Variants in PLAGL1 observed in about 807,000 individuals in gnomAD.
PLAGL1 encodes the protein zinc finger protein PLAGL1.
Under a neutral mutation model 4.6 loss-of-function variants are expected in PLAGL1, and 1 was observed. The ratio of observed to expected loss-of-function variants is 0.22; its 90% CI spans 0.08 to 1.03. The LOEUF is 1.03. Among genes scored for constraint, PLAGL1 ranks in the 50% least tolerant of loss-of-function variants. PLAGL1 has a pLI of 0.58. For missense variants in PLAGL1, 464 were observed against 570.4 expected (o/e 0.81, Z 1.90); for synonymous variants, 240 against 237.8 (o/e 1.01, Z -0.08).
chr6:144,019,696 T>C (rs1381760888), intron 1 of PLAGL1, among the ~76,000 whole-genome samples: 1 of 151,922 alleles, frequency 6.6e-6, no homozygotes, highest in African/African-American at 2.4e-5. Flanking sequence ...AGGCATTCTA[T>C]ATTACTGAAT....
upstream of PLAGL1, among the ~76,000 whole-genome samples, chr6:144,010,132 C>T (rs1033484257): frequency 6.6e-6 from 1 of 152,182 alleles, no homozygotes; most frequent in Non-Finnish European, 1.5e-5. This position sits in a 1 kb window ranked among gnomAD's most constrained non-coding sequence, Gnocchi z 4.1. Context: ...TACACTCCCA[C>T]CAACAGCGTA....
intron 1 of PLAGL1, among the ~76,000 whole-genome samples, chr6:144,002,633 A>G (rs1222391322): frequency 6.6e-6 from 1 of 152,160 alleles, no homozygotes; most frequent in Non-Finnish European, 1.5e-5. Context: ...TACACTAGGC[A>G]AGATGTTTGG....
chr6:144,004,480 T>C lies in PLAGL1; in HGVS notation c.-584+3610A>G, dbSNP rs1242743851. 6.6e-6 allele frequency among the ~76,000 whole-genome samples: 1 copy of C among 152,192 alleles called. No homozygotes were observed. Among genetic ancestry groups the C allele is most frequent in the Non-Finnish European group, 1.5e-5 (1 of 68,028 alleles). On this transcript the variant is annotated intron_variant, in intron 1 of 7. Transcript: ENST00000674357. This position sits in a 1 kb window ranked among gnomAD's most constrained non-coding sequence, Gnocchi z 4.2. ...ATACATGCAACATGGATGAATACAA[T>C]GTGAACAAAAGAATAAACTGTATGA...
intron 2 of PLAGL1, among the ~76,000 whole-genome samples, chr6:143,977,414 C>T (rs1786856149): frequency 6.8e-6 from 1 of 147,444 alleles, no homozygotes; most frequent in Admixed American, 6.8e-5. Context: ...TCTTCCATGC[C>T]TTTTCATGGC....
intron 1 of PLAGL1, among the ~76,000 whole-genome samples, chr6:144,032,673 T>A (rs1796920557): frequency 6.6e-6 from 1 of 152,180 alleles, no homozygotes; most frequent in African/African-American, 2.4e-5. Context: ...GCAATTCTCC[T>A]GCTTCAGCCT....
At position 144,053,739 on chromosome 6, in the gene PLAGL1, T is replaced by C. The variant is rs1434292844; in HGVS notation, c.-151+10729A>G. Among the ~76,000 whole-genome samples the C allele has an allele frequency of 1.3e-5, 2 of 152,174 alleles. No individual in the cohort carries two copies. The highest frequency in any genetic ancestry group is 1.3e-4 in the Admixed American group (2 of 15,286). On this transcript the variant is annotated intron_variant, in intron 1 of 3. Coordinates refer to the PLAGL1 transcript ENST00000437412. This position sits in a 1 kb window ranked among gnomAD's most constrained non-coding sequence, Gnocchi z 4.0. ...TGTCTTCCTCATCCTCTAGTAACTATGTCAGGCCAGTTACTGATCACGGTA... is the reference window on the plus strand; with the variant it reads ...TGTCTTCCTCATCCTCTAGTAACTACGTCAGGCCAGTTACTGATCACGGTA...
chr6:143,973,005 C>T lies in PLAGL1; in HGVS notation c.-543-4027G>A, dbSNP rs1466589246. ...ATGTAAGCATGAGAAACTCCCGTCT[C>T]CTTTGGGGTGAATTTCCCAATTCCT... is the stretch of plus-strand genomic sequence containing the variant. On this transcript the variant is annotated intron_variant, in intron 2 of 7. Coordinates refer to ENST00000674357, the MANE Select transcript of PLAGL1 (RefSeq NM_001317162.2). This position sits in a 1 kb window ranked among gnomAD's most constrained non-coding sequence, Gnocchi z 6.2. Among the ~76,000 whole-genome samples, 1 of 152,202 alleles carries T rather than the reference C, an allele frequency of 6.6e-6. No homozygotes were observed. Among genetic ancestry groups the T allele is most frequent in the Non-Finnish European group, 1.5e-5 (1 of 68,032 alleles).
chr6:144,053,575 A>G lies in PLAGL1; in HGVS notation c.-151+10893T>C, dbSNP rs17073312. ...CAATAACTGTGCAAAATACTATTTG[A>G]TTAAATATGATGGACAGTACAGACA... On this transcript the variant is annotated intron_variant, in intron 1 of 3. Coordinates refer to the PLAGL1 transcript ENST00000437412. This position sits in a 1 kb window ranked among gnomAD's most constrained non-coding sequence, Gnocchi z 4.0. 0.04 allele frequency among the ~76,000 whole-genome samples: 6,091 copies of G among 152,304 alleles called. 323 individuals are homozygous for G. Among genetic ancestry groups the G allele is most frequent in the East Asian group, 0.15 (766 of 5,188 alleles).
At chr6:144,040,978 A>G (rs1220971463) in intron 1 of PLAGL1, among the ~76,000 whole-genome samples, 2 of 152,194 alleles carry the variant, frequency 1.3e-5, no homozygotes, top group Non-Finnish European at 2.9e-5. Flanking sequence ...GGTGGGAAAA[A>G]GAGAGAATAT....
At chr6:143,981,130 A>AT (rs749917874) in intron 2 of PLAGL1, among the ~76,000 whole-genome samples, 109 of 151,860 alleles carry the variant, frequency 7.2e-4, no homozygotes, top group Non-Finnish European at 1.3e-3. Context: ...TACTTTTAAG[A>AT]TTTTTTAGGC....
chr6:144,047,897 T>G (rs1176048122), intron 1 of PLAGL1, among the ~76,000 whole-genome samples: 1 of 151,974 alleles, frequency 6.6e-6, no homozygotes, highest in Non-Finnish European at 1.5e-5. Context: ...CAAAGTCTCT[T>G]CTGAGACAAG....
rs1251018649 is a variant in PLAGL1 at position 143,942,211 on chromosome 6, T to C, written c.605A>G (p.His202Arg). The change falls in exon 8 of 8, where the codon CAT becomes CGT. Residue 202 changes from histidine to arginine, a missense_variant. Coordinates refer to ENST00000674357, the MANE Select transcript of PLAGL1 (RefSeq NM_001317162.2). The surrounding 1 kb of genome is among the most constrained non-coding windows in gnomAD (Gnocchi z 7.6). ...RFGRKDHLTR[H>R]TKKTHSQELM... Reference sequence around the variant, plus strand: ...CTCCTGTGAGTGGGTCTTCTTGGTATGCCGGGTGAGGTGATCCTTGCGCCC... The same window carrying C: ...CTCCTGTGAGTGGGTCTTCTTGGTACGCCGGGTGAGGTGATCCTTGCGCCC... The C allele has an allele frequency of 6.2e-7, 1 of 1,614,156 alleles. No homozygotes were observed. Among genetic ancestry groups the C allele is most frequent in the Admixed American group, 1.7e-5 (1 of 60,022 alleles).
chr6:144,036,262 C>T lies in PLAGL1; in HGVS notation c.-151+28206G>A, dbSNP rs1462562393. ...GTCCATTTAGGCTATTTCATCTTTG[C>T]CAGTTTCATTTTAGGAAACACAAGC... On this transcript the variant is annotated intron_variant, in intron 1 of 3. Coordinates refer to the PLAGL1 transcript ENST00000437412. This position sits in a 1 kb window ranked among gnomAD's most constrained non-coding sequence, Gnocchi z 5.1. Among the ~76,000 whole-genome samples the T allele has an allele frequency of 6.6e-6, 1 of 152,180 alleles. No homozygotes were observed. The highest frequency in any genetic ancestry group is 2.4e-5 in the African/African-American group (1 of 41,430).
intron 1 of PLAGL1, among the ~76,000 whole-genome samples, chr6:144,017,261 A>G (rs1357667114): frequency 1.3e-5 from 2 of 152,124 alleles, no homozygotes; most frequent in Admixed American, 6.6e-5. Context: ...ATTGCTGGCC[A>G]TCCTCAAACT....
intron 1 of PLAGL1, among the ~76,000 whole-genome samples, chr6:144,041,476 T>G (rs1332619113): frequency 6.6e-6 from 1 of 152,194 alleles, no homozygotes; most frequent in Non-Finnish European, 1.5e-5. Flanking sequence ...AATGATGGTT[T>G]CCAGCTTCAC....
intron 6 of PLAGL1, among the ~76,000 whole-genome samples, chr6:143,956,669 T>G (rs1782214995): frequency 6.6e-6 from 1 of 152,156 alleles, no homozygotes; most frequent in Admixed American, 6.5e-5. Flanking sequence ...ACCTATTGAG[T>G]CAAGCCTAGC....
At chr6:143,956,995 C>T (rs1420295673) in intron 6 of PLAGL1, among the ~76,000 whole-genome samples, 1 of 152,248 alleles carries the variant, frequency 6.6e-6, no homozygotes, top group Non-Finnish European at 1.5e-5. Flanking sequence ...CCAGGATCCC[C>T]ACGAAAGGGC....
At chr6:143,951,124 C>CT (rs10632400) in intron 6 of PLAGL1, among the ~76,000 whole-genome samples, 2 of 151,862 alleles carry the variant, frequency 1.3e-5, no homozygotes, top group South Asian at 4.1e-4. Context: ...TTATCTGTGT[C>CT]GAGTTTCAGT....
chr6:143,998,504 C>A (rs530995611), intron 1 of PLAGL1, among the ~76,000 whole-genome samples: 1 of 152,246 alleles, frequency 6.6e-6, no homozygotes, highest in South Asian at 2.1e-4. Context: ...ACTTACTTTG[C>A]AAAATTGTAG....
Sources: allele counts gnomAD v4.1 joint callset (sites outside exome capture counted in the v4.1 genomes callset), GRCh38; gene constraint gnomAD v4.1.1; non-coding constraint Gnocchi (gnomAD v3.1); transcripts MANE v1.5; gene names NCBI Gene and HGNC (gene_info 2026-07-23, HGNC 2026-07-21).